The following DTNBP1 variants were observed in gnomAD, a reference collection of about 807,000 sequenced individuals.
The protein encoded by DTNBP1 is dystrobrevin binding protein 1.
Under a neutral mutation model 42.8 loss-of-function variants are expected in DTNBP1, and 35 were observed. The ratio of observed to expected loss-of-function variants is 0.82; its 90% CI spans 0.63 to 1.09. The LOEUF is 1.09. Ranked by LOEUF, DTNBP1 falls within the 50% of genes least tolerant of loss-of-function variation. The pLI is 0.00. For synonymous variants in DTNBP1, 171 were observed against 162.2 expected, an observed-to-expected ratio of 1.05 and a Z score of -0.41; for missense variants, 457 against 424.2, an observed-to-expected ratio of 1.08 and a Z score of -0.68.
Position 15,595,323 on chromosome 6 carries a change from G to A in DTNBP1, c.489-2242C>T, listed in dbSNP as rs536653645. 8.7e-5 allele frequency: 34 copies of A among 391,624 alleles called. 1 individual carries two copies. Among genetic ancestry groups the A allele is most frequent in the East Asian group, 7.6e-4 (10 of 13,100 alleles). 24.3% of individuals were successfully genotyped at this position (391,624 alleles called of 1,614,324 possible). On this transcript the variant is annotated intron_variant, in intron 6 of 9. Coordinates refer to ENST00000344537, the MANE Select transcript of DTNBP1 (RefSeq NM_032122.5). ...TCTGTCACCCAGGCTGGAGTGCAGCGGTGTGATCTTGGCTCACTGCAACCT... is the reference window on the plus strand; with the variant it reads ...TCTGTCACCCAGGCTGGAGTGCAGCAGTGTGATCTTGGCTCACTGCAACCT...
chr6:15,651,051 G>A (rs997323902), intron 3 of DTNBP1, among the ~76,000 whole-genome samples: 5 of 152,114 alleles, frequency 3.3e-5, no homozygotes, highest in Non-Finnish European at 5.9e-5. Context: ...CAATTTTCTT[G>A]TAATAAAGAA....
chr6:15,620,647 T>C (rs903838627), intron 5 of DTNBP1, among the ~76,000 whole-genome samples: 1 of 152,258 alleles, frequency 6.6e-6, no homozygotes, highest in Admixed American at 6.5e-5. Flanking sequence ...AATAGGATTA[T>C]TTAAAAGGCT....
At chr6:15,592,361 G>A (rs1024362461) in intron 7 of DTNBP1, among the ~76,000 whole-genome samples, 4 of 152,224 alleles carry the variant, frequency 2.6e-5, no homozygotes, top group Admixed American at 2.6e-4. Context: ...CTACTTAATT[G>A]CTCATGAGTA....
intron 5 of DTNBP1, among the ~76,000 whole-genome samples, chr6:15,622,598 C>T (rs1284597071): frequency 1.3e-5 from 2 of 152,318 alleles, no homozygotes; most frequent in Non-Finnish European, 2.9e-5. Flanking sequence ...TAGCAGGCCT[C>T]CATGGACACA....
At chr6:15,615,042 T>C in intron 6 of DTNBP1, 1 of 685,660 alleles carries the variant, frequency 1.5e-6, no homozygotes. Flanking sequence ...CCTTCATCTT[T>C]ATATTTGGGA....
intron 7 of DTNBP1, among the ~76,000 whole-genome samples, chr6:15,573,959 C>G (rs1775453128): frequency 6.6e-6 from 1 of 152,200 alleles, no homozygotes; most frequent in Non-Finnish European, 1.5e-5. Flanking sequence ...CCCACCTCGG[C>G]CTCCCAAAGT....
intron 2 of DTNBP1, among the ~76,000 whole-genome samples, 176 bp downstream of exon 2, chr6:15,651,911 C>G (rs79969754): frequency 6.6e-6 from 1 of 152,062 alleles, no homozygotes; most frequent in Non-Finnish European, 1.5e-5. Flanking sequence ...AACCATTTCA[C>G]GATTTTATTA....
Position 15,645,268 on chromosome 6 carries a change from G to A in DTNBP1, c.161+6045C>T, listed in dbSNP as rs562984300. Among the ~76,000 whole-genome samples the A allele has an allele frequency of 4.0e-4, 60 of 151,542 alleles. 1 individual carries two copies. The highest frequency in any genetic ancestry group is 7.1e-4 in the Non-Finnish European group (48 of 67,808). Reference sequence around the variant, plus strand: ...TCTGAACAGACCAATAACAAGTTACGAAATTCAATCAGTAATAATAATAAT... The same window carrying A: ...TCTGAACAGACCAATAACAAGTTACAAAATTCAATCAGTAATAATAATAAT... On this transcript the variant is annotated intron_variant, in intron 3 of 9. Coordinates refer to ENST00000344537, the MANE Select transcript of DTNBP1 (RefSeq NM_032122.5).
Position 15,524,495 on chromosome 6 carries a change from G to A in DTNBP1, c.811+31C>T, listed in dbSNP as rs777114347. On this transcript the variant is annotated intron_variant, in intron 9 of 9. Transcript: ENST00000344537. ...AGGGGAGTGGCATCGATACTGCCCT[G>A]GTTCAGCTAATGCAAGTTTGTCAAC... The A allele has an allele frequency of 7.0e-5, 113 of 1,610,194 alleles. No individual in the cohort carries two copies. The East Asian group carries it at 2.4e-3, about 34-fold the overall frequency.
chr6:15,653,191 A>G (rs1171065130), intron 1 of DTNBP1, among the ~76,000 whole-genome samples: 1 of 152,234 alleles, frequency 6.6e-6, no homozygotes, highest in African/African-American at 2.4e-5. Context: ...TTCTTTCATT[A>G]AAGAGGATTT....
At position 15,594,999 on chromosome 6, in the gene DTNBP1, G is replaced by A. The variant is rs369388615; in HGVS notation, c.489-1918C>T. Among the ~76,000 whole-genome samples the A allele has an allele frequency of 2.6e-5, 4 of 152,186 alleles. No homozygotes were observed. In the South Asian group the frequency reaches 8.3e-4, roughly 32 times the overall value. On this transcript the variant is annotated intron_variant, in intron 6 of 9. Transcript: ENST00000344537. ...GAGTGAGTGTGCAATTGAGGAGGGC[G>A]GTTTTCCTGTGGACTCATCCTGCTC...
chr6:15,569,607 T>C (rs1198974648), intron 7 of DTNBP1, among the ~76,000 whole-genome samples: 1 of 152,174 alleles, frequency 6.6e-6, no homozygotes, highest in Non-Finnish European at 1.5e-5. Context: ...TGTAGTGACA[T>C]GCCAGGCCTT....
At chr6:15,572,140 T>C (rs1041675191) in intron 7 of DTNBP1, among the ~76,000 whole-genome samples, 2 of 152,238 alleles carry the variant, frequency 1.3e-5, no homozygotes, top group African/African-American at 4.8e-5. Context: ...TCCATATTTA[T>C]TGTATGGCTA....
At chr6:15,569,165 C>T (rs1252916772) in intron 7 of DTNBP1, among the ~76,000 whole-genome samples, 1 of 152,186 alleles carries the variant, frequency 6.6e-6, no homozygotes, top group East Asian at 1.9e-4. Context: ...CCATCTGCCT[C>T]CCCACTGTTC....
intron 3 of DTNBP1, among the ~76,000 whole-genome samples, chr6:15,642,482 C>T (rs539522124): frequency 6.6e-6 from 1 of 152,194 alleles, no homozygotes; most frequent in Admixed American, 6.5e-5. Flanking sequence ...AGCCTACCTG[C>T]CGGCTCTTAC....
chr6:15,541,503 G>A (rs1288774489), intron 7 of DTNBP1, among the ~76,000 whole-genome samples: 3 of 152,096 alleles, frequency 2.0e-5, no homozygotes, highest in East Asian at 3.9e-4. Context: ...GATGTTAAGA[G>A]CTTCAACAAA....
intron 7 of DTNBP1, among the ~76,000 whole-genome samples, chr6:15,578,241 C>T (rs1406059535): frequency 6.6e-6 from 1 of 152,208 alleles, no homozygotes; most frequent in Non-Finnish European, 1.5e-5. Flanking sequence ...AGCACAGAGC[C>T]CTTCTCTTCT....
chr6:15,660,609 G>A, intron 1 of DTNBP1: 2 of 1,236,198 alleles, frequency 1.6e-6, no homozygotes, highest in Non-Finnish European at 2.1e-6. Flanking sequence ...GCATCTTTAA[G>A]AAGTCAAGTC....
At chr6:15,534,658 T>TAA (rs1773104719) in intron 7 of DTNBP1, among the ~76,000 whole-genome samples, 1 of 17,338 alleles carries the variant, frequency 5.8e-5, no homozygotes, top group Non-Finnish European at 1.2e-4. Flanking sequence ...AGACTCTGTC[T>TAA]CAAAAAAAAA....
Sources: allele counts gnomAD v4.1 joint callset (sites outside exome capture counted in the v4.1 genomes callset), GRCh38; gene constraint gnomAD v4.1.1; transcripts MANE v1.5; gene names NCBI Gene and HGNC (gene_info 2026-07-23, HGNC 2026-07-21).